The following RAB38 variants were observed in gnomAD, a reference collection of about 807,000 sequenced individuals.
RAB38 encodes ras-related protein Rab-38.
In RAB38, 15 loss-of-function variants were observed where a neutral mutation model predicts 18.4. That is an observed-to-expected ratio of 0.82 (90% confidence interval 0.55 to 1.26). The LOEUF is 1.26. Ranked by LOEUF, RAB38 falls within the 50% of genes most tolerant of loss-of-function variation. The pLI is 0.00. For missense variants in RAB38, 294 were observed against 267.4 expected (o/e 1.10, Z -0.69); for synonymous variants, 101 against 104.4 (o/e 0.97, Z 0.20).
the RAB38 span, among the ~76,000 whole-genome samples, chr11:88,067,915 T>TTA: frequency 8.5e-3 from 1,253 of 147,964 alleles, 17 homozygotes; most frequent in African/African-American, 0.029. Context: ...TAAGGTAAAA[T>TTA]TATATATATA....
intron 1 of RAB38, among the ~76,000 whole-genome samples, chr11:88,154,177 A>T (rs1407928494): frequency 6.6e-6 from 1 of 152,194 alleles, no homozygotes; most frequent in Non-Finnish European, 1.5e-5. Flanking sequence ...AGACATTGTG[A>T]GGAAAAGACG....
the RAB38 span, among the ~76,000 whole-genome samples, chr11:87,910,732 C>T: frequency 1.8e-4 from 27 of 147,708 alleles, no homozygotes; most frequent in African/African-American, 6.8e-4. Flanking sequence ...TCTTCGACTC[C>T]CTGGTTCAAG....
the RAB38 span, among the ~76,000 whole-genome samples, chr11:87,968,611 G>A: frequency 0.012 from 1,772 of 152,234 alleles, 39 homozygotes; most frequent in African/African-American, 0.04. Context: ...AGGAGATAAG[G>A]AGCTTGCACG....
chr11:88,064,725 T>C, the RAB38 span, among the ~76,000 whole-genome samples: 1 of 152,262 alleles, frequency 6.6e-6, no homozygotes, highest in Admixed American at 6.5e-5. Flanking sequence ...TATGAGCTAT[T>C]ATGTACATGA....
At chr11:88,106,722 G>A in the RAB38 span, among the ~76,000 whole-genome samples, 3 of 152,210 alleles carry the variant, frequency 2.0e-5, no homozygotes, top group South Asian at 6.2e-4. Flanking sequence ...CTTCCTAAAG[G>A]CATTTTACCC....
At chr11:87,951,622 A>AC in the RAB38 span, among the ~76,000 whole-genome samples, 2 of 150,812 alleles carry the variant, frequency 1.3e-5, no homozygotes, top group Non-Finnish European at 3.0e-5. Flanking sequence ...AACAGACAGG[A>AC]CCCCCAGCTG....
the RAB38 span, among the ~76,000 whole-genome samples, chr11:88,032,446 C>T: frequency 3.3e-5 from 5 of 152,122 alleles, no homozygotes; most frequent in Admixed American, 3.3e-4. Context: ...AACAGGCAAC[C>T]TACAAAATGG....
At chr11:88,159,504 TA>T (rs543391740) in intron 1 of RAB38, among the ~76,000 whole-genome samples, 1 of 151,134 alleles carries the variant, frequency 6.6e-6, no homozygotes. Flanking sequence ...CTTATGGAAT[TA>T]AAAAAAAGAC....
At chr11:87,842,287 T>G in the RAB38 span, among the ~76,000 whole-genome samples, 152 of 152,278 alleles carry the variant, frequency 1.0e-3, no homozygotes, top group African/African-American at 3.5e-3. Context: ...TGGAGCATCA[T>G]TAAGCTGTGT....
At chr11:87,893,460 T>C in the RAB38 span, among the ~76,000 whole-genome samples, 2 of 146,884 alleles carry the variant, frequency 1.4e-5, no homozygotes, top group Admixed American at 1.4e-4. Context: ...CAATCAACTA[T>C]GGTCAGGAGG....
chr11:88,039,355 C>A, the RAB38 span, among the ~76,000 whole-genome samples: 1 of 151,594 alleles, frequency 6.6e-6, no homozygotes, highest in Non-Finnish European at 1.5e-5. Flanking sequence ...ACTTCAGCTA[C>A]TTTTTTTTTA....
chr11:87,844,160 C>CT, the RAB38 span, among the ~76,000 whole-genome samples: 1 of 152,156 alleles, frequency 6.6e-6, no homozygotes, highest in Admixed American at 6.5e-5. Context: ...AACCTTTTCC[C>CT]ATGGGTTATT....
At chr11:88,165,886 A>G (rs1433632738) in intron 1 of RAB38, 1 of 152,106 alleles carries the variant, frequency 6.6e-6, no homozygotes, top group Admixed American at 6.6e-5. Context: ...ATTTGGATAG[A>G]TAGAAAATAA....
chr11:87,950,782 T>A, the RAB38 span, among the ~76,000 whole-genome samples: 1 of 152,236 alleles, frequency 6.6e-6, no homozygotes, highest in Non-Finnish European at 1.5e-5. Context: ...CTTCCCTTTG[T>A]GGGTAACCCG....
the RAB38 span, among the ~76,000 whole-genome samples, chr11:87,942,824 A>G: frequency 6.6e-6 from 1 of 152,198 alleles, no homozygotes. Context: ...TATGTCCTCC[A>G]GATGATTCTG....
At chr11:87,873,949 T>TATATATATATATATATATATAC in the RAB38 span, among the ~76,000 whole-genome samples, 104 of 138,018 alleles carry the variant, frequency 7.5e-4, 2 homozygotes, top group Admixed American at 2.6e-3. Context: ...TATATATATA[T>TATATATATATATATATATATAC]ACTCTGCATA....
chr11:87,820,785 GAAAAA>G, the RAB38 span, among the ~76,000 whole-genome samples: 1 of 152,024 alleles, frequency 6.6e-6, no homozygotes, highest in African/African-American at 2.4e-5. Flanking sequence ...TATGCTTAAA[GAAAAA>G]AAGTTTAAAA....
intron 2 of RAB38, among the ~76,000 whole-genome samples, chr11:88,118,206 C>T (rs1365376837): frequency 6.6e-6 from 1 of 152,186 alleles, no homozygotes; most frequent in Non-Finnish European, 1.5e-5. Context: ...TTCCAGCATG[C>T]AAGGTAGGAG....
chr11:88,023,469 T>C, the RAB38 span, among the ~76,000 whole-genome samples: 1 of 151,990 alleles, frequency 6.6e-6, no homozygotes, highest in South Asian at 2.1e-4. Context: ...ACTGTCCATA[T>C]TACCCATAGC....
Sources: allele counts gnomAD v4.1 joint callset (sites outside exome capture counted in the v4.1 genomes callset), GRCh38; gene constraint gnomAD v4.1.1; transcripts MANE v1.5; gene names NCBI Gene and HGNC (gene_info 2026-07-23, HGNC 2026-07-21).